MRPS28: variants seen among roughly 807,000 people sequenced by gnomAD.
MRPS28 encodes small ribosomal subunit protein bS1m.
A neutral mutation model predicts 10.8 loss-of-function variants in MRPS28; 7 were observed. That is an observed-to-expected ratio of 0.65 (90% CI 0.37 to 1.22). The LOEUF is 1.22. Among genes scored for constraint, MRPS28 ranks in the 50% most tolerant of loss-of-function variants. The pLI is 0.02. For missense variants in MRPS28, 265 were observed against 232.9 expected, an observed-to-expected ratio of 1.14 and a Z score of -0.90; for synonymous variants, 121 against 93.3, an observed-to-expected ratio of 1.30 and a Z score of -1.71.
At chr8:80,014,142 G>A (rs1563543283) in intron 1 of MRPS28, among the ~76,000 whole-genome samples, 1 of 152,152 alleles carries the variant, frequency 6.6e-6, no homozygotes, top group Non-Finnish European at 1.5e-5. Context: ...AAGGTATGGA[G>A]CTCAGTCATG....
chr8:79,995,142 A>T (rs942936849), intron 2 of MRPS28, among the ~76,000 whole-genome samples: 1 of 152,192 alleles, frequency 6.6e-6, no homozygotes, highest in Non-Finnish European at 1.5e-5. Context: ...AACTCCCTGG[A>T]AGCAGGGATT....
intron 2 of MRPS28, among the ~76,000 whole-genome samples, chr8:79,982,051 C>T (rs574164600): frequency 2.3e-4 from 35 of 152,134 alleles, no homozygotes; most frequent in South Asian, 1.7e-3. Flanking sequence ...ATTCAAGACC[C>T]GCCTGGCCAA....
intron 1 of MRPS28, among the ~76,000 whole-genome samples, chr8:80,026,982 C>T (rs1397846119): frequency 6.6e-6 from 1 of 152,000 alleles, no homozygotes; most frequent in East Asian, 1.9e-4. Context: ...CAGACATATC[C>T]CATACCCCTC....
At chr8:80,013,339 G>A (rs1363124062) in intron 1 of MRPS28, among the ~76,000 whole-genome samples, 2 of 152,066 alleles carry the variant, frequency 1.3e-5, no homozygotes, top group Non-Finnish European at 2.9e-5. Flanking sequence ...CTCTTTTAAT[G>A]TAGACAATAA....
chr8:79,964,369 A>G (rs1807450628), intron 2 of MRPS28, among the ~76,000 whole-genome samples: 1 of 152,178 alleles, frequency 6.6e-6, no homozygotes. Context: ...AACACAATTC[A>G]GCGGAGACTA....
intron 2 of MRPS28, among the ~76,000 whole-genome samples, chr8:79,967,642 G>C (rs1807535189): frequency 6.6e-6 from 1 of 152,166 alleles, no homozygotes; most frequent in South Asian, 2.1e-4. Flanking sequence ...ACCACCCTAT[G>C]CCTGTTAGAC....
intron 2 of MRPS28, among the ~76,000 whole-genome samples, chr8:79,932,361 G>C (rs1004562155): frequency 1.3e-5 from 2 of 152,158 alleles, no homozygotes; most frequent in Non-Finnish European, 2.9e-5. Context: ...GACATTTAAT[G>C]ACAAGAAAAG....
At chr8:80,011,407 A>ATTT (rs11424455) in intron 1 of MRPS28, among the ~76,000 whole-genome samples, 1 of 146,764 alleles carries the variant, frequency 6.8e-6, no homozygotes, top group South Asian at 2.1e-4. Context: ...CGCTTTGGCT[A>ATTT]TTTTTTTTTT....
chr8:80,021,819 G>C (rs1809373038), intron 1 of MRPS28, among the ~76,000 whole-genome samples: 1 of 152,146 alleles, frequency 6.6e-6, no homozygotes, highest in Non-Finnish European at 1.5e-5. Flanking sequence ...AGATTCACAT[G>C]CAATTGTAAC....
intron 2 of MRPS28, among the ~76,000 whole-genome samples, chr8:79,977,364 A>G (rs1807829962): frequency 6.6e-6 from 1 of 152,238 alleles, no homozygotes; most frequent in African/African-American, 2.4e-5. Context: ...ACATAAATCC[A>G]ATTTTACTAA....
At chr8:79,919,194 A>T in intron 2 of MRPS28, 46 bp from the exon 3 acceptor site, 1 of 1,424,238 alleles carries the variant, frequency 7.0e-7, no homozygotes, top group African/African-American at 1.4e-5. Context: ...GAATATCATA[A>T]CATGAACAAC....
chr8:79,975,479 T>A (rs1268724294), intron 2 of MRPS28, among the ~76,000 whole-genome samples: 1 of 152,062 alleles, frequency 6.6e-6, no homozygotes, highest in African/African-American at 2.4e-5. Context: ...TATGGCAAAG[T>A]AATCAACAAC....
chr8:79,939,723 C>A (rs994922561), intron 2 of MRPS28, among the ~76,000 whole-genome samples: 5 of 152,104 alleles, frequency 3.3e-5, no homozygotes, highest in Admixed American at 2.0e-4. Context: ...GTAATCCCAG[C>A]ACTTTGGGAG....
chr8:80,021,151 A>T (rs1276499685), intron 1 of MRPS28, among the ~76,000 whole-genome samples: 1 of 151,876 alleles, frequency 6.6e-6, no homozygotes, highest in Non-Finnish European at 1.5e-5. Context: ...TACAGGCATG[A>T]GCCACCATGC....
At chr8:80,008,614 G>A (rs534315496) in intron 1 of MRPS28, among the ~76,000 whole-genome samples, 1 of 152,166 alleles carries the variant, frequency 6.6e-6, no homozygotes, top group Non-Finnish European at 1.5e-5. Flanking sequence ...GTGGGTGAAG[G>A]ATATGAACAG....
chr8:79,967,357 AG>A (rs1409498113), intron 2 of MRPS28, among the ~76,000 whole-genome samples: 2 of 152,126 alleles, frequency 1.3e-5, no homozygotes, highest in African/African-American at 4.8e-5. Flanking sequence ...GAAATTTACA[AG>A]TTAAAGCCCC....
chr8:80,004,784 T>A (rs1372436237), intron 1 of MRPS28, among the ~76,000 whole-genome samples: 1 of 152,030 alleles, frequency 6.6e-6, no homozygotes, highest in East Asian at 1.9e-4. Context: ...TGCAGAGAAG[T>A]CCTTAAATGA....
At chr8:80,029,871 G>T (rs1315427410) in intron 1 of MRPS28, 165 bp downstream of exon 1, 4 of 1,535,978 alleles carry the variant, frequency 2.6e-6, no homozygotes, top group Admixed American at 2.0e-5. Flanking sequence ...ACCAAGCACA[G>T]ATTCTAGGGG....
chr8:80,006,394 A>G (rs13276916), intron 1 of MRPS28, among the ~76,000 whole-genome samples: 117,050 of 152,126 alleles, frequency 0.77, 45,598 homozygotes, highest in African/African-American at 0.89. Flanking sequence ...GGTACATAAC[A>G]AAATGAACGC....
Sources: gnomAD v4.1 joint callset for allele counts (sites outside exome capture counted in the v4.1 genomes callset) on GRCh38, gnomAD v4.1.1 for gene constraint, MANE v1.5 for transcripts, NCBI Gene and HGNC (gene_info 2026-07-23, HGNC 2026-07-21) for gene names.